The following THSD7B variants were observed in gnomAD, a reference collection of about 807,000 sequenced individuals.
THSD7B encodes the protein thrombospondin type 1 domain containing 7B, also known as thrombospondin type-1 domain-containing protein 7B.
A neutral mutation model predicts 213.6 loss-of-function variants in THSD7B; 138 were observed. The observed-to-expected ratio is 0.65, with a 90% CI of 0.56 to 0.74. The LOEUF (loss-of-function observed/expected upper bound fraction) is 0.74, where lower values mean the gene tolerates loss of function less well. Among genes scored for constraint, THSD7B ranks in the 30% least tolerant of loss-of-function variants. The probability of loss-of-function intolerance (pLI) is 0.00; values close to 1 mark genes in which losing one functional copy is unlikely to be tolerated. For synonymous variants in THSD7B, 742 were observed against 687.0 expected, an observed-to-expected ratio of 1.08 and a Z score of -1.25; for missense variants, 1,931 against 1,991.5, an observed-to-expected ratio of 0.97 and a Z score of 0.58.
chr2:136,940,453 T>C (rs1684801200), intron 2 of THSD7B, among the ~76,000 whole-genome samples: 1 of 151,872 alleles, frequency 6.6e-6, no homozygotes, highest in South Asian at 2.1e-4. Flanking sequence ...CTTAATATTT[T>C]ATCAAACATT....
intron 12 of THSD7B, among the ~76,000 whole-genome samples, chr2:137,342,208 T>C (rs1234895890): frequency 6.6e-6 from 1 of 151,524 alleles, no homozygotes; most frequent in Non-Finnish European, 1.5e-5. Flanking sequence ...TAGTGTACCG[T>C]TCTTTCACCT....
chr2:137,642,400 A>C (rs1682956225), intron 20 of THSD7B, 88 bp from the exon 21 acceptor site: 4 of 1,475,546 alleles, frequency 2.7e-6, no homozygotes, highest in Middle Eastern at 3.6e-4. Context: ...TAAAATGAAG[A>C]CTTACATGTA....
rs1397399310 is a variant in THSD7B, at chr2:136,964,645, CA to C, written c.139+82332del. 2.6e-5 allele frequency among the ~76,000 whole-genome samples: 4 copies of C among 152,180 alleles called. No homozygotes were observed. The East Asian group carries it at 7.7e-4, about 29-fold the overall frequency. On this transcript the variant is annotated intron_variant, in intron 2 of 27. Coordinates refer to ENST00000409968, the MANE Select transcript of THSD7B (RefSeq NM_001316349.2). ...AAATATTCTATAACATCTTCCATCT[CA>C]AAACAAAACAATAACAAAAACATCT... is the stretch of plus-strand genomic sequence containing the variant.
At chr2:137,397,533 C>A (rs544660129) in intron 12 of THSD7B, among the ~76,000 whole-genome samples, 6 of 151,548 alleles carry the variant, frequency 4.0e-5, no homozygotes, top group East Asian at 2.0e-4. Flanking sequence ...CCAAGAGATC[C>A]GCTGTTAGTC....
intron 1 of THSD7B, among the ~76,000 whole-genome samples, chr2:136,855,122 G>A (rs945348612): frequency 1.7e-4 from 26 of 151,896 alleles, no homozygotes; most frequent in African/African-American, 5.6e-4. Flanking sequence ...AGCCTTACTC[G>A]CGTCTCCTTT....
intron 2 of THSD7B, among the ~76,000 whole-genome samples, chr2:136,946,601 A>T (rs1282911138): frequency 6.6e-6 from 1 of 152,150 alleles, no homozygotes; most frequent in African/African-American, 2.4e-5. Flanking sequence ...TGGAGTCTAT[A>T]GAGGGAGCAA....
chr2:136,766,414 G>C lies in THSD7B; in HGVS notation c.-36+727G>C, dbSNP rs181731770. ...GGGGCTTGAGAGTGAGGGGCAGGGA[G>C]GGGGGGACAGGCATATTTTCTACTG... is the stretch of plus-strand genomic sequence containing the variant. On this transcript the variant is annotated intron_variant, in intron 1 of 27. Coordinates refer to ENST00000409968, the MANE Select transcript of THSD7B (RefSeq NM_001316349.2). Among the ~76,000 whole-genome samples the C allele has an allele frequency of 8.0e-4, 121 of 152,092 alleles. No individual in the cohort carries two copies. In the East Asian group the frequency reaches 0.022, roughly 28 times the overall value.
chr2:137,665,824 A>G (rs1683435774), intron 26 of THSD7B, among the ~76,000 whole-genome samples: 1 of 152,184 alleles, frequency 6.6e-6, no homozygotes, highest in South Asian at 2.1e-4. Context: ...GAAGAGGTAG[A>G]CCTTCTTTTA....
intron 1 of THSD7B, among the ~76,000 whole-genome samples, chr2:136,784,099 AAG>A (rs1283825710): frequency 6.6e-6 from 1 of 152,186 alleles, no homozygotes; most frequent in Non-Finnish European, 1.5e-5. Context: ...TACTTTTTTA[AAG>A]AGTGGTCTCT....
chr2:137,201,970 C>A (rs1382458401), intron 7 of THSD7B, among the ~76,000 whole-genome samples: 3 of 152,108 alleles, frequency 2.0e-5, no homozygotes, highest in Admixed American at 2.0e-4. Context: ...GTCTCTATGT[C>A]TTTTCCTTGT....
intron 20 of THSD7B, among the ~76,000 whole-genome samples, chr2:137,625,990 A>G (rs554602053): frequency 6.6e-6 from 1 of 152,356 alleles, no homozygotes; most frequent in African/African-American, 2.4e-5. Context: ...GAGTGACAGC[A>G]TGGTTACATC....
At chr2:137,617,222 C>G (rs900780102) in intron 18 of THSD7B, among the ~76,000 whole-genome samples, 1 of 152,116 alleles carries the variant, frequency 6.6e-6, no homozygotes, top group Non-Finnish European at 1.5e-5. Context: ...ATAAAACTTG[C>G]TTTATTGGAA....
intron 3 of THSD7B, among the ~76,000 whole-genome samples, chr2:137,075,603 G>T (rs62171245): frequency 6.6e-6 from 1 of 152,014 alleles, no homozygotes; most frequent in Non-Finnish European, 1.5e-5. Flanking sequence ...GTCATTCTCC[G>T]TCCAGCTTTG....
intron 2 of THSD7B, among the ~76,000 whole-genome samples, chr2:137,030,062 A>C (rs1306859666): frequency 6.6e-6 from 1 of 151,980 alleles, no homozygotes. Flanking sequence ...TGGTGCATCA[A>C]ATATATCAAG....
chr2:137,598,929 T>A (rs1280426373), intron 17 of THSD7B, among the ~76,000 whole-genome samples: 15 of 151,036 alleles, frequency 9.9e-5, no homozygotes, highest in African/African-American at 2.9e-4. Context: ...CATGTGCACA[T>A]TGTGCAGGTT....
At chr2:137,413,491 G>A (rs1402962429) in intron 14 of THSD7B, among the ~76,000 whole-genome samples, 2 of 152,148 alleles carry the variant, frequency 1.3e-5, no homozygotes, top group Non-Finnish European at 2.9e-5. Flanking sequence ...AAAATTTTTC[G>A]ATAGACTTTA....
chr2:137,084,472 A>G (rs569439912), intron 3 of THSD7B, among the ~76,000 whole-genome samples: 2 of 152,280 alleles, frequency 1.3e-5, no homozygotes, highest in South Asian at 4.1e-4. Context: ...GCACAAATCT[A>G]TGTATTTATG....
At chr2:137,168,045 C>A (rs1227115096) in intron 6 of THSD7B, among the ~76,000 whole-genome samples, 1 of 152,188 alleles carries the variant, frequency 6.6e-6, no homozygotes, top group Non-Finnish European at 1.5e-5. Context: ...AGTTTTCACA[C>A]ATGCAAAATG....
chr2:137,002,895 T>C (rs1212053808), intron 2 of THSD7B, among the ~76,000 whole-genome samples: 1 of 152,158 alleles, frequency 6.6e-6, no homozygotes, highest in African/African-American at 2.4e-5. Flanking sequence ...ATTTAAAAAA[T>C]AGATAATAAA....
Sources: allele counts gnomAD v4.1 joint callset (sites outside exome capture counted in the v4.1 genomes callset), GRCh38; gene constraint gnomAD v4.1.1; transcripts MANE v1.5; gene names NCBI Gene and HGNC (gene_info 2026-07-23, HGNC 2026-07-21).